AP5Z1: variants seen among roughly 807,000 people sequenced by gnomAD.
The protein encoded by AP5Z1 is adaptor related protein complex 5 subunit zeta 1, also known as AP-5 complex subunit zeta-1.
A neutral mutation model predicts 83.0 loss-of-function variants in AP5Z1; 106 were observed. The ratio of observed to expected loss-of-function variants is 1.28; its 90% CI spans 1.09 to 1.50. AP5Z1 has a LOEUF of 1.50. Ranked by LOEUF, AP5Z1 falls within the 40% of genes most tolerant of loss-of-function variation. The probability of loss-of-function intolerance (pLI) is 0.00; values close to 1 mark genes in which losing one functional copy is unlikely to be tolerated. For missense variants in AP5Z1, 1,565 were observed against 1,094.2 expected (o/e 1.43, Z -6.07); for synonymous variants, 751 against 514.1 (o/e 1.46, Z -6.23).
At chr7:4,788,797 G>A in intron 12 of AP5Z1, 43 bp from the exon 13 acceptor site, 1 of 1,509,768 alleles carries the variant, frequency 6.6e-7, no homozygotes, top group Admixed American at 2.0e-5. Context: ...GCAGTCACCA[G>A]GTCGGGGAGC....
chr7:4,776,265 C>T (rs1211618045), intron 1 of AP5Z1, among the ~76,000 whole-genome samples: 3 of 151,440 alleles, frequency 2.0e-5, no homozygotes, highest in Non-Finnish European at 2.9e-5. Flanking sequence ...GAGAAATCAC[C>T]CTCCAGGCTG....
chr7:4,779,237 C>T (rs986974814), intron 1 of AP5Z1, among the ~76,000 whole-genome samples: 2 of 145,504 alleles, frequency 1.4e-5, no homozygotes, highest in South Asian at 2.1e-4. Flanking sequence ...TTAGATATAA[C>T]ATATATAACA....
intron 3 of AP5Z1, among the ~76,000 whole-genome samples, chr7:4,782,913 T>G (rs1351223047): frequency 6.6e-6 from 1 of 152,192 alleles, no homozygotes. Context: ...GCCCCTGTGC[T>G]GGGTGTCTCT....
At chr7:4,790,055 G>A (rs972723993) in intron 14 of AP5Z1, 126 bp downstream of exon 14, 2 of 1,144,544 alleles carry the variant, frequency 1.7e-6, no homozygotes, top group Non-Finnish European at 2.3e-6. Flanking sequence ...AGCAGCCTCA[G>A]ACCCTGCCAC....
chr7:4,790,941 C>A (rs1469208719), intron 16 of AP5Z1, 54 bp downstream of exon 16: 5 of 1,509,970 alleles, frequency 3.3e-6, no homozygotes, highest in Non-Finnish European at 2.7e-6. Flanking sequence ...AGAGAGGTGG[C>A]TTCTGAGGTC....
Position 4,788,097 on chromosome 7 carries a change from G to A in AP5Z1, c.1455-57G>A, listed in dbSNP as rs1031001127. ...CCTGCCGTGTGTCTCCCTGACGGGGGTGCCCTTGAGTGCAGGGGCCGCATC... is the reference window on the plus strand; with the variant it reads ...CCTGCCGTGTGTCTCCCTGACGGGGATGCCCTTGAGTGCAGGGGCCGCATC... On this transcript the variant is annotated intron_variant, in intron 11 of 16. Transcript: ENST00000649063. 6.8e-6 allele frequency: 10 copies of A among 1,463,236 alleles called. No homozygotes were observed. The African/African-American group carries it at 1.1e-4, about 17-fold the overall frequency. 90.6% of individuals were successfully genotyped at this position (1,463,236 alleles called of 1,614,324 possible). A position where few individuals can be genotyped will look rare whatever the true frequency, so the allele number is the denominator to read the frequency against.
At chr7:4,789,506 G>A (rs909246096) in intron 13 of AP5Z1, among the ~76,000 whole-genome samples, 1 of 152,252 alleles carries the variant, frequency 6.6e-6, no homozygotes, top group African/African-American at 2.4e-5. Context: ...CTGGGAGGTG[G>A]GGAGGCCGGC....
chr7:4,785,317 T>TCC, intron 7 of AP5Z1, 98 bp from the exon 8 acceptor site: 1 of 1,491,560 alleles, frequency 6.7e-7, no homozygotes, highest in Non-Finnish European at 9.0e-7. Flanking sequence ...ACCCCCCTGC[T>TCC]CCCGGTCCTG....
At chr7:4,785,713 C>G in intron 9 of AP5Z1, 29 bp downstream of exon 9, 4 of 1,440,542 alleles carry the variant, frequency 2.8e-6, no homozygotes, top group Non-Finnish European at 3.6e-6. Flanking sequence ...GGCGCTGACT[C>G]GGGGCTCTGC....
At chr7:4,789,091 C>A in intron 13 of AP5Z1, 140 bp downstream of exon 13, 2 of 712,214 alleles carry the variant, frequency 2.8e-6, no homozygotes, top group Non-Finnish European at 4.6e-6. Context: ...CTGTGAGGGT[C>A]AGGGAGGCAC....
intron 1 of AP5Z1, among the ~76,000 whole-genome samples, chr7:4,777,142 C>T (rs1781250179): frequency 6.6e-6 from 1 of 152,060 alleles, no homozygotes; most frequent in Admixed American, 6.6e-5. Flanking sequence ...TCAACATAGG[C>T]AACCTTCCCT....
chr7:4,785,795 A>G (rs1583233761), intron 9 of AP5Z1, 111 bp downstream of exon 9: 2 of 1,337,698 alleles, frequency 1.5e-6, no homozygotes, highest in East Asian at 2.6e-5. Flanking sequence ...GAATAGAGAC[A>G]GGGGTCTTGC....
rs1490988278 is a variant in AP5Z1, at chr7:4,790,458, G to C, written c.1806-1G>C. The C allele has an allele frequency of 4.3e-6, 7 of 1,613,016 alleles. No individual in the cohort carries two copies. The highest frequency in any genetic ancestry group is 5.1e-6 in the Non-Finnish European group (6 of 1,179,880). Reference sequence around the variant, plus strand: ...AGGCGTAGACCCGGCTTTCTGGGCAGTGTGCTGAGTTCTCAGTTCCTGGCC... The same window carrying C: ...AGGCGTAGACCCGGCTTTCTGGGCACTGTGCTGAGTTCTCAGTTCCTGGCC... On this transcript the variant is annotated splice_acceptor_variant, in intron 14 of 16. Coordinates refer to ENST00000649063, the MANE Select transcript of AP5Z1 (RefSeq NM_014855.3). LOFTEE classifies it high-confidence loss of function.
chr7:4,780,933 G>GC (rs1196378610), intron 1 of AP5Z1, among the ~76,000 whole-genome samples: 1 of 152,166 alleles, frequency 6.6e-6, no homozygotes, highest in East Asian at 1.9e-4. Flanking sequence ...AGTGCATGGG[G>GC]CCTCCGTGAG....
In AP5Z1 at chr7:4,786,368, C is replaced by A; in HGVS notation, c.1251C>A (p.Asn417Lys). The change falls in exon 10 of 17, where the codon AAC becomes AAA. Residue 417 changes from asparagine to lysine, a missense_variant. By Grantham distance (94) the Asn-to-Lys change is moderately conservative (BLOSUM62 0). Transcript: ENST00000649063. Reference sequence around the variant, plus strand: ...AATTCATCCAGTTCTGCAGGGACAACCTCCACCTGTTCAGCGGGCACCTCA... The same window carrying A: ...AATTCATCCAGTTCTGCAGGGACAAACTCCACCTGTTCAGCGGGCACCTCA... The part of the protein sequence containing the change: ...AFEFIQFCRD[N>K]LHLFSGHLST... 1 of 1,613,930 alleles carries A rather than the reference C, an allele frequency of 6.2e-7. No homozygotes were observed. Among genetic ancestry groups the A allele is most frequent in the Non-Finnish European group, 8.5e-7 (1 of 1,179,866 alleles).
chr7:4,790,072 C>A, intron 14 of AP5Z1, 143 bp downstream of exon 14: 1 of 1,205,424 alleles, frequency 8.3e-7, no homozygotes, highest in Non-Finnish European at 1.1e-6. Flanking sequence ...CCACCCCCAC[C>A]CACAGCCCCA....
In AP5Z1 at chr7:4,783,929, G is replaced by T. The variant is rs140258305; in HGVS notation, c.621+131G>T. The T allele has an allele frequency of 3.4e-4, 365 of 1,065,630 alleles. No individual in the cohort carries two copies. The African/African-American group carries it at 5.0e-3, about 14-fold the overall frequency. The allele number at this position is 1,065,630 out of a possible 1,614,324, so 66.0% of individuals were successfully genotyped here. On this transcript the variant is annotated intron_variant, in intron 5 of 16. Coordinates refer to ENST00000649063, the MANE Select transcript of AP5Z1 (RefSeq NM_014855.3). Reference sequence around the variant, plus strand: ...TCCAGGACGAGCCTGCCTCTGCTGCGGGGCTTGGGTCAGGCAGGGCCACAG... The same window carrying T: ...TCCAGGACGAGCCTGCCTCTGCTGCTGGGCTTGGGTCAGGCAGGGCCACAG...
At chr7:4,779,221 CAT>C (rs144468416) in intron 1 of AP5Z1, among the ~76,000 whole-genome samples, 7,696 of 145,152 alleles carry the variant, frequency 0.053, 276 homozygotes, top group Middle Eastern at 0.09. Flanking sequence ...TTATGTATAA[CAT>C]ATATTAGATA....
intron 12 of AP5Z1, chr7:4,788,624 C>T (rs1781637258): frequency 1.9e-6 from 1 of 518,522 alleles, no homozygotes; most frequent in Non-Finnish European, 3.4e-6. Flanking sequence ...CTCCTGCCCT[C>T]AGCCCACGCC....
Sources: allele counts gnomAD v4.1 joint callset (sites outside exome capture counted in the v4.1 genomes callset), GRCh38; gene constraint gnomAD v4.1.1; transcripts MANE v1.5; gene names NCBI Gene and HGNC (gene_info 2026-07-23, HGNC 2026-07-21).